PTPRN2: variants seen among roughly 807,000 people sequenced by gnomAD.
The protein encoded by PTPRN2 is receptor-type tyrosine-protein phosphatase N2.
In PTPRN2, 74 loss-of-function variants were observed where a neutral mutation model predicts 118.8. That is an observed-to-expected ratio of 0.62 (90% confidence interval 0.52 to 0.76). PTPRN2 has a LOEUF of 0.76. Among genes scored for constraint, PTPRN2 ranks in the 30% least tolerant of loss-of-function variants. The pLI, the probability that PTPRN2 is intolerant of heterozygous loss-of-function variation, is 0.00. For synonymous variants in PTPRN2, 641 were observed against 608.0 expected (o/e 1.05, Z -0.80); for missense variants, 1,481 against 1,394.4 (o/e 1.06, Z -0.99).
intron 2 of PTPRN2, among the ~76,000 whole-genome samples, chr7:158,410,696 C>T (rs1362432724): frequency 3.3e-5 from 5 of 152,244 alleles, no homozygotes; most frequent in Admixed American, 3.3e-4. Flanking sequence ...GAAACAGGGT[C>T]CTCGCAGACC....
chr7:157,754,491 C>A (rs1048055437), intron 12 of PTPRN2, among the ~76,000 whole-genome samples: 4 of 152,234 alleles, frequency 2.6e-5, no homozygotes, highest in African/African-American at 9.6e-5. Context: ...CAGCCCCTGT[C>A]CCCCCTTGGC....
At chr7:158,557,163 C>A (rs1357696178) in intron 1 of PTPRN2, among the ~76,000 whole-genome samples, 2 of 131,934 alleles carry the variant, frequency 1.5e-5, no homozygotes, top group Non-Finnish European at 3.1e-5. Context: ...GCGGCTCCCA[C>A]GCAGGTCAGG....
chr7:158,543,870 C>T lies in PTPRN2; in HGVS notation c.112+43688G>A, dbSNP rs189924005. 5.9e-5 allele frequency among the ~76,000 whole-genome samples: 9 copies of T among 152,376 alleles called. No homozygotes were observed. In the South Asian group the frequency reaches 8.3e-4, roughly 14 times the overall value. On this transcript the variant is annotated intron_variant, in intron 1 of 22. Transcript: ENST00000389418. Reference sequence around the variant, plus strand: ...AGGACAAGGAAAGGGGTCAGCCTCCCGGCTAAGCTGCCTCTGCACCAGGCT... The same window carrying T: ...AGGACAAGGAAAGGGGTCAGCCTCCTGGCTAAGCTGCCTCTGCACCAGGCT...
intron 3 of PTPRN2, among the ~76,000 whole-genome samples, chr7:158,278,415 C>G (rs577041845): frequency 6.8e-6 from 1 of 146,996 alleles, no homozygotes. Flanking sequence ...CGGGAGGCTG[C>G]GGGTGAAGGT....
intron 14 of PTPRN2, among the ~76,000 whole-genome samples, chr7:157,624,674 TA>T (rs1803465841): frequency 6.6e-6 from 1 of 152,242 alleles, no homozygotes; most frequent in South Asian, 2.1e-4. Flanking sequence ...TTCTGCACTG[TA>T]AAGTCAAACC....
chr7:158,183,644 G>C (rs927855684), intron 5 of PTPRN2, among the ~76,000 whole-genome samples: 2 of 152,186 alleles, frequency 1.3e-5, no homozygotes, highest in African/African-American at 2.4e-5. Context: ...ATTCTCCACT[G>C]CTCCCTAAAT....
chr7:158,466,788 C>T (rs1819420470), intron 2 of PTPRN2, among the ~76,000 whole-genome samples: 1 of 152,192 alleles, frequency 6.6e-6, no homozygotes, highest in Non-Finnish European at 1.5e-5. Context: ...CGCCTGTAAT[C>T]CCAGAATTTT....
chr7:157,938,133 C>A (rs1410897908), intron 11 of PTPRN2, among the ~76,000 whole-genome samples: 7 of 152,296 alleles, frequency 4.6e-5, no homozygotes, highest in Admixed American at 2.0e-4. Flanking sequence ...GAGGAGGTCA[C>A]CTCGAAGTGG....
At chr7:157,946,515 C>T (rs955320635) in intron 11 of PTPRN2, among the ~76,000 whole-genome samples, 2 of 152,220 alleles carry the variant, frequency 1.3e-5, no homozygotes, top group African/African-American at 4.8e-5. Flanking sequence ...TATCAGCATG[C>T]AGCCCAGATG....
intron 6 of PTPRN2, among the ~76,000 whole-genome samples, chr7:158,145,917 G>C (rs1018024028): frequency 2.0e-5 from 3 of 152,162 alleles, no homozygotes; most frequent in Admixed American, 6.5e-5. Flanking sequence ...GGGCAAGCTC[G>C]CTCATTTCTT....
At position 158,053,812 on chromosome 7, in the gene PTPRN2, G is replaced by GCAGAGACCCCAGAGAT. The variant is rs1809524578; in HGVS notation, c.1723+27485_1723+27486insATCTCTGGGGTCTCTG. Among the ~76,000 whole-genome samples the GCAGAGACCCCAGAGAT allele has an allele frequency of 1.5e-4, 17 of 113,378 alleles. 1 individual carries two copies. Among genetic ancestry groups the GCAGAGACCCCAGAGAT allele is most frequent in the Non-Finnish European group, 2.5e-4 (14 of 56,036 alleles). The allele number at this position is 113,378 out of a possible 152,430, so 74.4% of individuals were successfully genotyped here. ...TCCAGAGACGCAGAGACTCCAGAGA[G>GCAGAGACCCCAGAGAT]GCAGAGACCCCAGAGATGCAGAGAC... On this transcript the variant is annotated intron_variant, in intron 11 of 22. Coordinates refer to ENST00000389418, the MANE Select transcript of PTPRN2 (RefSeq NM_002847.5).
chr7:157,816,296 G>T (rs1381313593), intron 12 of PTPRN2, among the ~76,000 whole-genome samples: 1 of 152,318 alleles, frequency 6.6e-6, no homozygotes, highest in South Asian at 2.1e-4. Context: ...TGCTCGGTGT[G>T]GTCGGGGGCC....
intron 3 of PTPRN2, among the ~76,000 whole-genome samples, chr7:158,263,959 G>A (rs751321408): frequency 3.9e-5 from 6 of 152,192 alleles, no homozygotes; most frequent in African/African-American, 7.2e-5. Flanking sequence ...TGGGCCAGCT[G>A]ACCAACTTCA....
At chr7:158,012,903 C>T (rs1806148914) in intron 11 of PTPRN2, among the ~76,000 whole-genome samples, 1 of 152,208 alleles carries the variant, frequency 6.6e-6, no homozygotes, top group South Asian at 2.1e-4. Flanking sequence ...AAATCAAACC[C>T]TCAGTTCTAT....
At chr7:157,992,450 T>C (rs2128846773) in intron 11 of PTPRN2, among the ~76,000 whole-genome samples, 1 of 152,350 alleles carries the variant, frequency 6.6e-6, no homozygotes, top group South Asian at 2.1e-4. Context: ...ACACGGTCTG[T>C]ACTGAGTGGG....
intron 11 of PTPRN2, among the ~76,000 whole-genome samples, chr7:157,994,573 C>T (rs1226028173): frequency 1.8e-5 from 2 of 112,784 alleles, no homozygotes; most frequent in African/African-American, 6.0e-5. Flanking sequence ...CCCCAGCTTA[C>T]AACTCCTTGT....
At chr7:158,199,937 C>T (rs1228643794) in intron 4 of PTPRN2, among the ~76,000 whole-genome samples, 1 of 152,098 alleles carries the variant, frequency 6.6e-6, no homozygotes, top group Admixed American at 6.6e-5. Flanking sequence ...TGAAACAAAT[C>T]CATTACTATA....
chr7:157,853,828 G>C (rs937395969), intron 12 of PTPRN2, among the ~76,000 whole-genome samples: 37 of 152,136 alleles, frequency 2.4e-4, no homozygotes, highest in Admixed American at 6.6e-4. Flanking sequence ...CGGGGAATAG[G>C]GTCTTTGTGG....
intron 3 of PTPRN2, among the ~76,000 whole-genome samples, chr7:158,226,045 G>T (rs1828746982): frequency 6.6e-6 from 1 of 152,032 alleles, no homozygotes; most frequent in Non-Finnish European, 1.5e-5. Flanking sequence ...CCCAGAAGGA[G>T]GATAAAAGTA....
Sources: allele counts gnomAD v4.1 joint callset (sites outside exome capture counted in the v4.1 genomes callset), GRCh38; gene constraint gnomAD v4.1.1; transcripts MANE v1.5; gene names NCBI Gene and HGNC (gene_info 2026-07-23, HGNC 2026-07-21).